The following ZNF503 variants were observed in gnomAD, a reference collection of about 807,000 sequenced individuals.
The protein encoded by ZNF503 is NocA-like zinc finger 2.
In ZNF503, 15 loss-of-function variants were observed where a neutral mutation model predicts 34.4. The observed-to-expected ratio is 0.44, with a 90% CI of 0.29 to 0.67. ZNF503 has a LOEUF of 0.67. Ranked by LOEUF, ZNF503 falls within the 30% of genes least tolerant of loss-of-function variation. The probability of loss-of-function intolerance (pLI) is 0.13; values close to 1 mark genes in which losing one functional copy is unlikely to be tolerated. For synonymous variants in ZNF503, 580 were observed against 456.8 expected (o/e 1.27, Z -3.44); for missense variants, 1,007 against 926.8 (o/e 1.09, Z -1.12).
the ZNF503 span, among the ~76,000 whole-genome samples, chr10:75,326,620 T>G: frequency 3.3e-5 from 5 of 152,058 alleles, no homozygotes; most frequent in Admixed American, 3.3e-4. Flanking sequence ...CCTTTTTTTT[T>G]GTTTGACTTT....
Position 75,399,079 on chromosome 10 carries a change from G to A in ZNF503, c.1611C>T (p.Ser537=). The A allele has an allele frequency of 6.2e-7, 1 of 1,613,614 alleles. No individual in the cohort carries two copies. Among genetic ancestry groups the A allele is most frequent in the Non-Finnish European group, 8.5e-7 (1 of 1,179,848 alleles). ...KRFATSEELL[S]HLRTHTAFPG... ...GAAATGCCGTATGGGTCCGCAAGTG[G>A]CTCAGCAGCTCTTCGGACGTGGCGA... The change falls in exon 2 of 2, where the codon AGC becomes AGT. Residue 537 remains serine, a synonymous_variant. Coordinates refer to ENST00000372524, the MANE Select transcript of ZNF503 (RefSeq NM_032772.6).
the ZNF503 span, among the ~76,000 whole-genome samples, chr10:75,341,738 C>T: frequency 3.9e-5 from 6 of 152,122 alleles, no homozygotes; most frequent in Admixed American, 1.3e-4. Context: ...ATCTCAGTAA[C>T]GAAACATTAC....
chr10:75,318,056 G>A, the ZNF503 span, among the ~76,000 whole-genome samples: 7 of 152,276 alleles, frequency 4.6e-5, no homozygotes, highest in East Asian at 3.9e-4. Flanking sequence ...TTTGTTGAGC[G>A]AGTAGATTGT....
the ZNF503 span, chr10:75,361,448 A>G: frequency 2.0e-5 from 3 of 152,224 alleles, no homozygotes; most frequent in African/African-American, 4.8e-5. Context: ...TCAGAAACCA[A>G]TGTGAATTGA....
the ZNF503 span, chr10:75,298,933 C>CTT: frequency 2.1e-4 from 29 of 135,272 alleles, no homozygotes; most frequent in East Asian, 3.6e-3. Context: ...GTATGTTTAA[C>CTT]TTTTTTTTTT....
chr10:75,365,787 G>A, the ZNF503 span, among the ~76,000 whole-genome samples: 1 of 152,218 alleles, frequency 6.6e-6, no homozygotes, highest in Non-Finnish European at 1.5e-5. Flanking sequence ...ATAGTGCACG[G>A]CCTATGGTGA....
the ZNF503 span, chr10:75,338,245 T>A: frequency 6.6e-6 from 1 of 152,128 alleles, no homozygotes; most frequent in Non-Finnish European, 1.5e-5. Context: ...AGTTTCCTTC[T>A]GCCCTCTTTC....
the ZNF503 span, among the ~76,000 whole-genome samples, chr10:75,384,092 G>A: frequency 1.3e-5 from 2 of 152,160 alleles, no homozygotes; most frequent in African/African-American, 4.8e-5. Context: ...GAAGGCCTGT[G>A]GGGCTTGCTC....
chr10:75,329,417 T>TTCCTTCCTTCCTTC, the ZNF503 span, among the ~76,000 whole-genome samples: 1 of 64,044 alleles, frequency 1.6e-5, no homozygotes, highest in African/African-American at 5.5e-5. Flanking sequence ...TTCCTTCCTT[T>TTCCTTCCTTCCTTC]CCTTCCTTCC....
chr10:75,355,485 G>GC, the ZNF503 span, among the ~76,000 whole-genome samples: 47 of 152,178 alleles, frequency 3.1e-4, no homozygotes, highest in African/African-American at 1.1e-3. Flanking sequence ...CCTCCCTGCT[G>GC]CCCCAGAACA....
the ZNF503 span, among the ~76,000 whole-genome samples, chr10:75,378,381 C>T: frequency 6.6e-6 from 1 of 152,176 alleles, no homozygotes; most frequent in Non-Finnish European, 1.5e-5. Context: ...TGCTCCCCAC[C>T]AAGCACCACA....
At chr10:75,333,554 C>T in the ZNF503 span, among the ~76,000 whole-genome samples, 1 of 78,982 alleles carries the variant, frequency 1.3e-5, no homozygotes, top group African/African-American at 5.7e-5. Flanking sequence ...CGCCCCTCAC[C>T]TCCCGGACGG....
chr10:75,289,248 G>A, the ZNF503 span, among the ~76,000 whole-genome samples: 1 of 152,236 alleles, frequency 6.6e-6, no homozygotes, highest in African/African-American at 2.4e-5. Context: ...TGGGGGAGAG[G>A]AAGGGCCAGG....
At chr10:75,343,280 C>T in the ZNF503 span, 1 of 152,238 alleles carries the variant, frequency 6.6e-6, no homozygotes, top group African/African-American at 2.4e-5. Flanking sequence ...GAACTCAGCC[C>T]AGGCTGCTGT....
At chr10:75,349,118 A>C in the ZNF503 span, among the ~76,000 whole-genome samples, 1 of 152,328 alleles carries the variant, frequency 6.6e-6, no homozygotes, top group South Asian at 2.1e-4. Flanking sequence ...CAATTACCAC[A>C]CTCAAGAAAT....
rs1437572020 is a variant in ZNF503 at position 75,399,976 on chromosome 10, C to T, written c.714G>A (p.Pro238=). The T allele has an allele frequency of 6.2e-7, 1 of 1,606,498 alleles. No individual in the cohort carries two copies. Among genetic ancestry groups the T allele is most frequent in the Non-Finnish European group, 8.5e-7 (1 of 1,179,500 alleles). The change falls in exon 2 of 2, where the codon CCG becomes CCA. Residue 238 remains proline, a synonymous_variant. Coordinates refer to ENST00000372524, the MANE Select transcript of ZNF503 (RefSeq NM_032772.6). ...SPSSSASACS[P]GGMLSSAGGA... ...CCCCGGCCGAGGACAGCATACCTCC[C>T]GGCGAGCAGGCCGAGGCGCTGGAGC...
At chr10:75,319,638 C>T in the ZNF503 span, among the ~76,000 whole-genome samples, 2 of 152,140 alleles carry the variant, frequency 1.3e-5, no homozygotes, top group South Asian at 4.1e-4. Context: ...AAGTCCTAAA[C>T]ATATCAATAA....
At position 75,398,806 on chromosome 10, in the gene ZNF503, G is replaced by A; in HGVS notation, c.1884C>T (p.Ser628=). ...PVPAATGPYY[S]PYALYGQRLT... The stretch of plus-strand genomic sequence containing the variant: ...GTCTCTGTCCGTAGAGGGCGTAGGG[G>A]GAGTAGTACGGTCCGGTGGCGGCGG... The change falls in exon 2 of 2, where the codon TCC becomes TCT. Residue 628 remains serine, a synonymous_variant. Transcript: ENST00000372524. 1 of 1,484,014 alleles carries A rather than the reference G, an allele frequency of 6.7e-7. No homozygotes were observed. Among genetic ancestry groups the A allele is most frequent in the Non-Finnish European group, 8.9e-7 (1 of 1,122,808 alleles). The allele number at this position is 1,484,014 out of a possible 1,614,324, so 91.9% of individuals were successfully genotyped here.
the ZNF503 span, among the ~76,000 whole-genome samples, chr10:75,369,545 A>T: frequency 1.3e-5 from 2 of 152,194 alleles, no homozygotes; most frequent in African/African-American, 2.4e-5. Context: ...AAGTTTCTTG[A>T]GGCCTCCCCA....
Sources: gnomAD v4.1 joint callset for allele counts (sites outside exome capture counted in the v4.1 genomes callset) on GRCh38, gnomAD v4.1.1 for gene constraint, MANE v1.5 for transcripts, NCBI Gene and HGNC (gene_info 2026-07-23, HGNC 2026-07-21) for gene names.